Variants in OCA2 observed in about 807,000 individuals in gnomAD.
OCA2 encodes P protein.
Under a neutral mutation model 100.2 loss-of-function variants are expected in OCA2, and 77 were observed. That is an observed-to-expected ratio of 0.77 (90% confidence interval 0.64 to 0.93). OCA2 has a LOEUF of 0.93. OCA2 is among the 40% of genes least tolerant of loss of function. The pLI is 0.00. For missense variants in OCA2, 1,062 were observed against 1,089.1 expected, an observed-to-expected ratio of 0.98 and a Z score of 0.35; for synonymous variants, 432 against 439.2, an observed-to-expected ratio of 0.98 and a Z score of 0.21.
intron 9 of OCA2, among the ~76,000 whole-genome samples, chr15:28,002,571 G>A (rs953871725): frequency 6.6e-6 from 1 of 152,150 alleles, no homozygotes; most frequent in Admixed American, 6.5e-5. Flanking sequence ...TTGTGTACCT[G>A]GTTTGAGGAG....
intron 23 of OCA2, among the ~76,000 whole-genome samples, chr15:27,806,607 C>T (rs1412466364): frequency 6.6e-6 from 1 of 152,248 alleles, no homozygotes; most frequent in African/African-American, 2.4e-5. Flanking sequence ...TCCCGCCGTC[C>T]GCTGTGCGCT....
At chr15:28,010,098 A>C (rs774977009) in intron 9 of OCA2, among the ~76,000 whole-genome samples, 1 of 152,202 alleles carries the variant, frequency 6.6e-6, no homozygotes, top group Non-Finnish European at 1.5e-5. Context: ...ATGAAAAAAA[A>C]CCATATGAGC....
chr15:27,743,491 A>G, the OCA2 span, among the ~76,000 whole-genome samples: 1 of 152,106 alleles, frequency 6.6e-6, no homozygotes, highest in Non-Finnish European at 1.5e-5. Flanking sequence ...CTTCTGGTGG[A>G]ATTTTGCTCC....
intron 2 of OCA2, among the ~76,000 whole-genome samples, chr15:28,041,768 T>C (rs2043208039): frequency 6.6e-6 from 1 of 152,152 alleles, no homozygotes; most frequent in Non-Finnish European, 1.5e-5. Flanking sequence ...CAAATCAATA[T>C]GGATAAATCT....
intron 1 of OCA2, among the ~76,000 whole-genome samples, chr15:28,082,673 A>G (rs72714114): frequency 0.064 from 9,687 of 152,306 alleles, 342 homozygotes; most frequent in Middle Eastern, 0.1. Flanking sequence ...ATAAATATGT[A>G]TAAATTACAT....
intron 23 of OCA2, among the ~76,000 whole-genome samples, chr15:27,790,738 C>T (rs1026704777): frequency 6.6e-6 from 1 of 151,954 alleles, no homozygotes; most frequent in Non-Finnish European, 1.5e-5. Context: ...AAACTATACA[C>T]CTCAAATGGT....
intron 1 of OCA2, among the ~76,000 whole-genome samples, chr15:28,094,121 C>T (rs1294158046): frequency 1.3e-5 from 2 of 152,270 alleles, no homozygotes; most frequent in East Asian, 3.9e-4. Flanking sequence ...CACAGCCTGT[C>T]CCTTAGGGGA....
chr15:27,975,977 G>A (rs986567638), intron 14 of OCA2, among the ~76,000 whole-genome samples: 1 of 152,046 alleles, frequency 6.6e-6, no homozygotes, highest in Non-Finnish European at 1.5e-5. Context: ...GTAGTTTTCA[G>A]TATATAGGCC....
intron 23 of OCA2, among the ~76,000 whole-genome samples, chr15:27,802,632 C>A (rs2033661628): frequency 6.6e-6 from 1 of 152,136 alleles, no homozygotes; most frequent in Admixed American, 6.6e-5. Context: ...ACATACATAA[C>A]TAATTCTTTT....
chr15:27,722,769 C>A, the OCA2 span, among the ~76,000 whole-genome samples: 1 of 84,562 alleles, frequency 1.2e-5, no homozygotes, highest in Non-Finnish European at 2.5e-5. Flanking sequence ...TCCTTTCTTT[C>A]TTTTCTTTCT....
chr15:28,000,124 A>G (rs1160423149), intron 9 of OCA2, among the ~76,000 whole-genome samples: 2 of 152,204 alleles, frequency 1.3e-5, no homozygotes, highest in Non-Finnish European at 2.9e-5. Flanking sequence ...TCTAATTTAT[A>G]TGGAACCACA....
At position 27,844,972 on chromosome 15, in the gene OCA2, T is replaced by C. The variant is rs1246857246; in HGVS notation, c.2419A>G (p.Met807Val). ...ATTTAAAAGTACCTGAAAAATTCCA[T>C]GAAGGAGAACCCATATCCATGCTGT... ...AEQHGYGFSFMEFFRLGFPMM... is the reference protein window; with the variant it reads ...AEQHGYGFSFVEFFRLGFPMM... Residue 807 changes from methionine to valine, a missense_variant, in exon 23 of 24, where the codon ATG becomes GTG. Coordinates refer to ENST00000354638, the MANE Select transcript of OCA2 (RefSeq NM_000275.3). 5 of 1,612,922 alleles carry C rather than the reference T, an allele frequency of 3.1e-6. No individual in the cohort carries two copies. The highest frequency in any genetic ancestry group is 4.5e-5 in the East Asian group (2 of 44,868).
intron 23 of OCA2, among the ~76,000 whole-genome samples, chr15:27,825,004 G>T (rs986342450): frequency 6.6e-6 from 1 of 152,176 alleles, no homozygotes; most frequent in Non-Finnish European, 1.5e-5. Flanking sequence ...GAATTAATTA[G>T]GAACTTAGCA....
chr15:27,720,743 T>C, the OCA2 span, among the ~76,000 whole-genome samples: 1 of 152,170 alleles, frequency 6.6e-6, no homozygotes, highest in Admixed American at 6.5e-5. Flanking sequence ...TTCACAGGTG[T>C]ACACACATGT....
At chr15:27,801,796 A>G (rs542934461) in intron 23 of OCA2, among the ~76,000 whole-genome samples, 2 of 152,156 alleles carry the variant, frequency 1.3e-5, no homozygotes, top group Admixed American at 6.6e-5. Context: ...CTTGGAAAAG[A>G]ATATCTAAAT....
intron 18 of OCA2, among the ~76,000 whole-genome samples, chr15:27,940,961 T>A (rs966121798): frequency 6.6e-6 from 1 of 152,190 alleles, no homozygotes; most frequent in African/African-American, 2.4e-5. Flanking sequence ...GACAAGCAAG[T>A]GAAAATGTTG....
At chr15:27,783,884 G>A (rs1411817262) in intron 23 of OCA2, among the ~76,000 whole-genome samples, 2 of 152,182 alleles carry the variant, frequency 1.3e-5, no homozygotes, top group Non-Finnish European at 2.9e-5. Context: ...CTTATGGGAG[G>A]ACAGCAAGCA....
At chr15:27,733,724 T>A in the OCA2 span, among the ~76,000 whole-genome samples, 1 of 152,308 alleles carries the variant, frequency 6.6e-6, no homozygotes, top group African/African-American at 2.4e-5. Context: ...ATAATTAATT[T>A]TTTATTTATT....
chr15:28,009,868 G>A (rs1375957588), intron 9 of OCA2, among the ~76,000 whole-genome samples: 1 of 152,014 alleles, frequency 6.6e-6, no homozygotes, highest in African/African-American at 2.4e-5. Context: ...ATAATCTATG[G>A]GTCAAAGTGG....
Sources: allele counts gnomAD v4.1 joint callset (sites outside exome capture counted in the v4.1 genomes callset), GRCh38; gene constraint gnomAD v4.1.1; transcripts MANE v1.5; gene names NCBI Gene and HGNC (gene_info 2026-07-23, HGNC 2026-07-21).